RBBP8: variants seen among roughly 807,000 people sequenced by gnomAD.
The protein encoded by RBBP8 is RB binding protein 8, endonuclease, also known as DNA endonuclease RBBP8.
In RBBP8, 88 loss-of-function variants were observed where a neutral mutation model predicts 108.3. That is an observed-to-expected ratio of 0.81 (90% CI 0.68 to 0.97). RBBP8 has a LOEUF of 0.97. Among genes scored for constraint, RBBP8 ranks in the 50% least tolerant of loss-of-function variants. The pLI is 0.00. For missense variants in RBBP8, 1,023 were observed against 1,049.0 expected, an observed-to-expected ratio of 0.98 and a Z score of 0.34; for synonymous variants, 332 against 348.2, an observed-to-expected ratio of 0.95 and a Z score of 0.52.
intron 3 of RBBP8, among the ~76,000 whole-genome samples, chr18:22,919,163 C>T (rs1909482711): frequency 6.6e-6 from 1 of 152,104 alleles, no homozygotes. Context: ...GAGCAAAGAT[C>T]ACAAAGGAGG....
chr18:22,944,647 A>C (rs571514718), intron 2 of RBBP8, among the ~76,000 whole-genome samples: 32 of 152,328 alleles, frequency 2.1e-4, no homozygotes, highest in African/African-American at 7.5e-4. Flanking sequence ...CATCTTATTT[A>C]TAACATTTTA....
intron 15 of RBBP8, among the ~76,000 whole-genome samples, chr18:23,002,278 CA>C (rs1283651912): frequency 6.6e-6 from 1 of 152,074 alleles, no homozygotes; most frequent in African/African-American, 2.4e-5. Context: ...CATGATGGCA[CA>C]TACCTGTAGT....
At chr18:23,010,521 C>A (rs1479809044) in intron 16 of RBBP8, among the ~76,000 whole-genome samples, 2 of 151,774 alleles carry the variant, frequency 1.3e-5, no homozygotes, top group African/African-American at 4.8e-5. Context: ...CGCTTGAGCC[C>A]AGGAAGTCAA....
At position 22,993,207 on chromosome 18, in the gene RBBP8, C is replaced by T. The variant is rs780106559; in HGVS notation, c.1380C>T (p.Cys460=). ...AAGAAAGTGAACATGAAGTAAGCTG[C>T]CCCCAAGCTTCTTTTGATAAAGAAA... ...TEEESEHEVS[C]PQASFDKENA... is the part of the protein sequence containing the mutation. Residue 460 remains cysteine (C), a synonymous_variant, in exon 11 of 19, where the codon TGC becomes TGT. Coordinates refer to ENST00000327155, the MANE Select transcript of RBBP8 (RefSeq NM_002894.3). 2 of 1,614,164 alleles carry T rather than the reference C, an allele frequency of 1.2e-6. No homozygotes were observed. The highest frequency in any genetic ancestry group is 8.5e-7 in the Non-Finnish European group (1 of 1,180,014).
chr18:22,949,228 A>C (rs1911824490), intron 3 of RBBP8, among the ~76,000 whole-genome samples: 5 of 152,198 alleles, frequency 3.3e-5, no homozygotes, highest in African/African-American at 1.2e-4. Context: ...GTAAGCTCTG[A>C]CTTAAAAGCA....
intron 4 of RBBP8, among the ~76,000 whole-genome samples, chr18:22,963,160 A>C (rs893860761): frequency 6.6e-6 from 1 of 152,028 alleles, no homozygotes; most frequent in Admixed American, 6.5e-5. Flanking sequence ...TTTGCTGTTT[A>C]CTTCAAAAAT....
intron 6 of RBBP8, among the ~76,000 whole-genome samples, chr18:22,976,645 AAT>A (rs2144629220): frequency 1.3e-5 from 2 of 152,222 alleles, no homozygotes; most frequent in Non-Finnish European, 2.9e-5. Flanking sequence ...TTTTTTAAAA[AAT>A]ATGAATTTGG....
chr18:22,980,750 T>C (rs1488579133), intron 6 of RBBP8, among the ~76,000 whole-genome samples: 1 of 149,548 alleles, frequency 6.7e-6, no homozygotes, highest in Admixed American at 6.7e-5. Context: ...GGTCTCACTG[T>C]GTTGCCGAGG....
At chr18:22,915,509 ATGT>A (rs1341147324) in intron 2 of RBBP8, 1 of 152,154 alleles carries the variant, frequency 6.6e-6, no homozygotes, top group African/African-American at 2.4e-5. Flanking sequence ...AAGCTATGTA[ATGT>A]TGTATCTGCA....
At chr18:22,977,006 AT>A (rs1567972737) in intron 6 of RBBP8, among the ~76,000 whole-genome samples, 1 of 152,110 alleles carries the variant, frequency 6.6e-6, no homozygotes, top group Non-Finnish European at 1.5e-5. Flanking sequence ...AAAGTTTGAA[AT>A]TACAGGAAAG....
chr18:22,990,201 CT>C (rs1915584887), intron 9 of RBBP8, among the ~76,000 whole-genome samples: 1 of 152,202 alleles, frequency 6.6e-6, no homozygotes, highest in South Asian at 2.1e-4. Context: ...AATCTAATGA[CT>C]TGCTGCTTGA....
At chr18:22,966,355 C>T in intron 4 of RBBP8, among the ~76,000 whole-genome samples, 1 of 152,066 alleles carries the variant, frequency 6.6e-6, no homozygotes, top group East Asian at 1.9e-4. Flanking sequence ...CTAGAAATTC[C>T]GATTCTATTA....
At chr18:22,964,030 T>C (rs1264735023) in intron 4 of RBBP8, among the ~76,000 whole-genome samples, 1 of 152,226 alleles carries the variant, frequency 6.6e-6, no homozygotes. Context: ...AATAATTCTC[T>C]TTCAGAATTC....
At chr18:22,973,610 G>A (rs753362378) in intron 5 of RBBP8, among the ~76,000 whole-genome samples, 17 of 152,124 alleles carry the variant, frequency 1.1e-4, no homozygotes, top group Non-Finnish European at 2.2e-4. Context: ...TATGCTATAT[G>A]TACTAACAAA....
At chr18:22,994,145 C>T (rs1433182216) in intron 12 of RBBP8, among the ~76,000 whole-genome samples, 2 of 147,776 alleles carry the variant, frequency 1.4e-5, no homozygotes, top group South Asian at 4.2e-4. Flanking sequence ...CTCAGCCTCC[C>T]GAGTAGCTGG....
intron 3 of RBBP8, among the ~76,000 whole-genome samples, chr18:22,920,296 T>C (rs1394981239): frequency 1.3e-5 from 2 of 152,196 alleles, no homozygotes; most frequent in African/African-American, 4.8e-5. Context: ...GCTGTCTCAA[T>C]AGATAAATAA....
rs1453185781 is a variant in RBBP8 at position 23,005,975 on chromosome 18, A to C, written c.2288-388A>C. ...GCCGAGGCGGGCGGATCATGAGGTCAGGAGATTGAGACCATCCTGGCTAAC... is the reference window on the plus strand; with the variant it reads ...GCCGAGGCGGGCGGATCATGAGGTCCGGAGATTGAGACCATCCTGGCTAAC... On this transcript the variant is annotated intron_variant, in intron 15 of 18. Coordinates refer to ENST00000327155, the MANE Select transcript of RBBP8 (RefSeq NM_002894.3). Among the ~76,000 whole-genome samples, 4 of 151,916 alleles carry C rather than the reference A, an allele frequency of 2.6e-5. No individual in the cohort carries two copies. The South Asian group carries it at 8.3e-4, about 32-fold the overall frequency.
In RBBP8 at chr18:22,922,887, T is replaced by C. The variant is rs1016244335; in HGVS notation, c.-154+5861T>C. On this transcript the variant is annotated intron_variant, in intron 3 of 4. Coordinates refer to the RBBP8 transcript ENST00000577588. ...ATCCCTTGGAATATAATAAAACTAA[T>C]AACAACAACCATATAATAATACTAT... Among the ~76,000 whole-genome samples the C allele has an allele frequency of 5.3e-5, 8 of 152,320 alleles. No homozygotes were observed. The East Asian group carries it at 1.3e-3, about 26-fold the overall frequency.
chr18:22,989,452 T>C, intron 9 of RBBP8, 134 bp downstream of exon 9: 1 of 628,154 alleles, frequency 1.6e-6, no homozygotes, highest in Non-Finnish European at 2.9e-6. Flanking sequence ...CTTACATTGT[T>C]AGAAAGTCCT....
Sources: gnomAD v4.1 joint callset for allele counts (sites outside exome capture counted in the v4.1 genomes callset) on GRCh38, gnomAD v4.1.1 for gene constraint, MANE v1.5 for transcripts, NCBI Gene and HGNC (gene_info 2026-07-23, HGNC 2026-07-21) for gene names.